The following ETV6 variants were observed in gnomAD, a reference collection of about 807,000 sequenced individuals.
ETV6 encodes the protein transcription factor ETV6.
In ETV6, 16 loss-of-function variants were observed where a neutral mutation model predicts 51.1. The ratio of observed to expected loss-of-function variants is 0.31; its 90% confidence interval spans 0.21 to 0.48. The LOEUF (loss-of-function observed/expected upper bound fraction) is 0.48, where lower values mean the gene tolerates loss of function less well. Ranked by LOEUF, ETV6 falls within the 20% of genes least tolerant of loss-of-function variation. The pLI, the probability that ETV6 is intolerant of heterozygous loss-of-function variation, is 0.99. For missense variants in ETV6, 458 were observed against 594.8 expected (o/e 0.77, Z 2.39); for synonymous variants, 240 against 224.1 (o/e 1.07, Z -0.64).
At position 11,729,329 on chromosome 12, in the gene ETV6, G is replaced by T. The variant is rs550374324; in HGVS notation, c.34-23121G>T. On this transcript the variant is annotated intron_variant, in intron 1 of 7. Transcript: ENST00000396373. ...TAGTCTCATCTGGGTGGGAGCACTA[G>T]AATTGAAGGCCTGTTCAAAGGTTTT... is the stretch of plus-strand genomic sequence containing the variant. Among the ~76,000 whole-genome samples the T allele has an allele frequency of 3.1e-3, 478 of 152,250 alleles. 3 individuals carry two copies. Among genetic ancestry groups the T allele is most frequent in the Non-Finnish European group, 5.3e-3 (362 of 68,022 alleles).
intron 2 of ETV6, among the ~76,000 whole-genome samples, chr12:11,784,148 G>A (rs1945448347): frequency 6.6e-6 from 1 of 152,194 alleles, no homozygotes; most frequent in South Asian, 2.1e-4. Context: ...TCAAGATACA[G>A]GCCAGGCACA....
intron 2 of ETV6, among the ~76,000 whole-genome samples, chr12:11,795,340 T>G (rs1357405138): frequency 1.3e-5 from 2 of 152,246 alleles, no homozygotes; most frequent in Non-Finnish European, 2.9e-5. Context: ...GCACCGGGCC[T>G]TCCTCACAAA....
rs140173864 is a variant in ETV6 at position 11,815,989 on chromosome 12, G to A, written c.164-23151G>A. On this transcript the variant is annotated intron_variant, in intron 2 of 7. Transcript: ENST00000396373. ...GGTTATAGATGACTTCATGCTGAAA[G>A]TGACCCGTAAGGAATATCCGTATAT... Among the ~76,000 whole-genome samples, 171 of 152,314 alleles carry A rather than the reference G, an allele frequency of 1.1e-3. 1 individual carries two copies. Among genetic ancestry groups the A allele is most frequent in the African/African-American group, 3.9e-3 (163 of 41,568 alleles).
chr12:11,814,247 A>T (rs2136424812), intron 2 of ETV6, among the ~76,000 whole-genome samples: 1 of 152,330 alleles, frequency 6.6e-6, no homozygotes, highest in African/African-American at 2.4e-5. Flanking sequence ...TATTTTATTC[A>T]GATCTTGTTT....
At chr12:11,674,575 G>T (rs866036902) in intron 1 of ETV6, among the ~76,000 whole-genome samples, 2 of 151,636 alleles carry the variant, frequency 1.3e-5, no homozygotes, top group Admixed American at 6.6e-5. Flanking sequence ...TAAAATGTGT[G>T]CTGTAGCTCA....
At chr12:11,813,395 G>A (rs1034656278) in intron 2 of ETV6, among the ~76,000 whole-genome samples, 7 of 152,206 alleles carry the variant, frequency 4.6e-5, no homozygotes, top group South Asian at 2.1e-4. Context: ...CCCAGCTCTT[G>A]CCTTTTCAGT....
intron 1 of ETV6, among the ~76,000 whole-genome samples, chr12:11,700,918 CTGTT>C (rs1565491185): frequency 6.6e-6 from 1 of 152,154 alleles, no homozygotes; most frequent in Admixed American, 6.5e-5. Flanking sequence ...TGTATTTCAT[CTGTT>C]TGTTTCCTAC....
In ETV6 at chr12:11,893,669, C is replaced by CTGTT. The variant is rs1176812087; in HGVS notation, c.*2625_*2628dup. 2 of 228,606 alleles carry CTGTT rather than the reference C, an allele frequency of 8.7e-6. No homozygotes were observed. Among genetic ancestry groups the CTGTT allele is most frequent in the East Asian group, 6.3e-5 (1 of 15,888 alleles). 14.2% of individuals were successfully genotyped at this position (228,606 alleles called of 1,614,324 possible). On this transcript the variant is annotated 3_prime_UTR_variant, in exon 8 of 8. Transcript: ENST00000396373. ...TTTCTTATGGTTCAATGTACACAAA[C>CTGTT]TGTTTTATATAGAAAATGATTTCAA... is the stretch of plus-strand genomic sequence containing the variant.
At chr12:11,779,839 G>A (rs745673551) in intron 2 of ETV6, among the ~76,000 whole-genome samples, 4 of 152,190 alleles carry the variant, frequency 2.6e-5, no homozygotes, top group Admixed American at 2.0e-4. Context: ...TCTTTACAGA[G>A]ATAAAAAGTG....
At chr12:11,849,115 G>A (rs1002385019) in intron 3 of ETV6, among the ~76,000 whole-genome samples, 1 of 151,918 alleles carries the variant, frequency 6.6e-6, no homozygotes, top group Non-Finnish European at 1.5e-5. Flanking sequence ...GGCGTTGTTT[G>A]TTTGTTTGTT....
intron 2 of ETV6, among the ~76,000 whole-genome samples, chr12:11,796,779 T>TGTG (rs35668980): frequency 2.8e-4 from 39 of 141,024 alleles, no homozygotes; most frequent in African/African-American, 5.7e-4. Context: ...TTTTTTTTTT[T>TGTG]TGTGTGTGTG....
chr12:11,849,962 C>T (rs758790945), intron 3 of ETV6, among the ~76,000 whole-genome samples: 10 of 152,174 alleles, frequency 6.6e-5, no homozygotes, highest in Admixed American at 2.6e-4. Flanking sequence ...CATTCCCTGA[C>T]GGAGCCCCTA....
At chr12:11,650,518 T>G (rs1591584579) in intron 1 of ETV6, among the ~76,000 whole-genome samples, 1 of 93,520 alleles carries the variant, frequency 1.1e-5, no homozygotes, top group African/African-American at 4.2e-5. Context: ...AAAAAAAACC[T>G]GCTCCCTATT....
intron 7 of ETV6, among the ~76,000 whole-genome samples, chr12:11,889,254 A>G (rs1947251962): frequency 6.6e-6 from 1 of 152,218 alleles, no homozygotes; most frequent in Admixed American, 6.5e-5. Flanking sequence ...CTGCTGGAGA[A>G]GTTTGCCAGT....
chr12:11,889,339 T>G (rs1947253106), intron 7 of ETV6, among the ~76,000 whole-genome samples: 1 of 152,164 alleles, frequency 6.6e-6, no homozygotes, highest in Admixed American at 6.5e-5. Context: ...GAGAAAGGAA[T>G]AGTGCTATTA....
At chr12:11,668,398 T>G (rs986430238) in intron 1 of ETV6, among the ~76,000 whole-genome samples, 1 of 139,976 alleles carries the variant, frequency 7.1e-6, no homozygotes, top group African/African-American at 2.7e-5. Flanking sequence ...TCGCACTGTT[T>G]TGTTTTTTTT....
At chr12:11,761,846 G>A (rs1202575091) in intron 2 of ETV6, among the ~76,000 whole-genome samples, 2 of 152,234 alleles carry the variant, frequency 1.3e-5, no homozygotes, top group Non-Finnish European at 2.9e-5. Context: ...TCGTCGCATT[G>A]TTCTCTTATT....
intron 1 of ETV6, among the ~76,000 whole-genome samples, chr12:11,701,340 T>C (rs1371600427): frequency 6.6e-6 from 1 of 152,184 alleles, no homozygotes; most frequent in East Asian, 1.9e-4. Flanking sequence ...TGTTTGTGAA[T>C]TATGACTACT....
In ETV6 at chr12:11,802,610, A is replaced by G. The variant is rs529961869; in HGVS notation, c.164-36530A>G. On this transcript the variant is annotated intron_variant, in intron 2 of 7. Coordinates refer to ENST00000396373, the MANE Select transcript of ETV6 (RefSeq NM_001987.5). ...GTGGGTCACTTAGCACCAAGTGTAAATCATCTGGGGTATGTCTTGCAGGAC... is the reference window on the plus strand; with the variant it reads ...GTGGGTCACTTAGCACCAAGTGTAAGTCATCTGGGGTATGTCTTGCAGGAC... Among the ~76,000 whole-genome samples, 4 of 152,332 alleles carry G rather than the reference A, an allele frequency of 2.6e-5. No individual in the cohort carries two copies. In the South Asian group the frequency reaches 8.3e-4, roughly 32 times the overall value.
Sources: allele counts gnomAD v4.1 joint callset (sites outside exome capture counted in the v4.1 genomes callset), GRCh38; gene constraint gnomAD v4.1.1; transcripts MANE v1.5; gene names NCBI Gene and HGNC (gene_info 2026-07-23, HGNC 2026-07-21).